PTPRD: variants seen among roughly 807,000 people sequenced by gnomAD.
The protein encoded by PTPRD is protein tyrosine phosphatase receptor type D.
Under a neutral mutation model 214.5 loss-of-function variants are expected in PTPRD, and 34 were observed. That is an observed-to-expected ratio of 0.16 (90% CI 0.12 to 0.21). PTPRD has a LOEUF of 0.21. Ranked by LOEUF, PTPRD falls within the 10% of genes least tolerant of loss-of-function variation. The probability of loss-of-function intolerance (pLI) is 1.00; values close to 1 mark genes in which losing one functional copy is unlikely to be tolerated. For missense variants in PTPRD, 2,545 were observed against 2,398.7 expected, an observed-to-expected ratio of 1.06 and a Z score of -1.27; for synonymous variants, 1,128 against 845.7, an observed-to-expected ratio of 1.33 and a Z score of -5.79.
At chr9:9,195,086 G>GTATATATATATATATATA (rs540804635) in intron 9 of PTPRD, among the ~76,000 whole-genome samples, 1,485 of 130,816 alleles carry the variant, frequency 0.011, 18 homozygotes, top group East Asian at 0.022. Context: ...GTGTGTTTGT[G>GTATATATATATATATATA]TATATATATA....
intron 9 of PTPRD, among the ~76,000 whole-genome samples, chr9:9,215,626 G>A (rs953479758): frequency 6.6e-6 from 1 of 152,098 alleles, no homozygotes; most frequent in Non-Finnish European, 1.5e-5. Flanking sequence ...ACAGTGAGGT[G>A]GAGTTGGGAC....
At chr9:9,073,278 C>T (rs1172977302) in intron 10 of PTPRD, among the ~76,000 whole-genome samples, 1 of 152,138 alleles carries the variant, frequency 6.6e-6, no homozygotes, top group Non-Finnish European at 1.5e-5. Flanking sequence ...GAGTCATAAG[C>T]TTGTGGACTC....
chr9:9,935,026 AC>A (rs533457921), intron 5 of PTPRD, among the ~76,000 whole-genome samples: 84 of 152,246 alleles, frequency 5.5e-4, no homozygotes, highest in African/African-American at 2.0e-3. Context: ...AAATTCAACA[AC>A]CATTCATGCT....
intron 10 of PTPRD, among the ~76,000 whole-genome samples, chr9:9,076,616 G>A (rs529164051): frequency 6.6e-6 from 1 of 152,078 alleles, no homozygotes; most frequent in South Asian, 2.1e-4. Flanking sequence ...CTCTGTTGTT[G>A]CAAATGACAG....
intron 2 of PTPRD, among the ~76,000 whole-genome samples, chr9:10,379,248 T>TTTTG (rs1555249356): frequency 6.6e-6 from 1 of 150,948 alleles, no homozygotes; most frequent in Non-Finnish European, 1.5e-5. Context: ...ATAGTTTTTT[T>TTTTG]TGTGTGTGTG....
At chr9:8,507,609 A>G (rs1261338429) in intron 21 of PTPRD, among the ~76,000 whole-genome samples, 175 bp from the exon 22 acceptor site, 6 of 152,234 alleles carry the variant, frequency 3.9e-5, no homozygotes, top group East Asian at 3.8e-4. Flanking sequence ...GGCAAGTACA[A>G]TGTTATAAAT....
chr9:10,247,966 C>T (rs1359034468), intron 3 of PTPRD, among the ~76,000 whole-genome samples: 1 of 152,026 alleles, frequency 6.6e-6, no homozygotes, highest in Non-Finnish European at 1.5e-5. Flanking sequence ...TTTTCCCATG[C>T]TGTTCTCATG....
intron 9 of PTPRD, among the ~76,000 whole-genome samples, chr9:9,191,502 A>C (rs569520996): frequency 2.0e-5 from 3 of 152,260 alleles, no homozygotes; most frequent in African/African-American, 7.2e-5. Flanking sequence ...AGTCTGATTT[A>C]AGTTGCTATA....
At chr9:9,802,306 C>T (rs995752980) in intron 5 of PTPRD, among the ~76,000 whole-genome samples, 1 of 151,848 alleles carries the variant, frequency 6.6e-6, no homozygotes, top group Non-Finnish European at 1.5e-5. Flanking sequence ...CCAAATATGT[C>T]CATATTTTGT....
chr9:9,914,606 C>T (rs149535640), intron 5 of PTPRD, among the ~76,000 whole-genome samples: 4 of 152,138 alleles, frequency 2.6e-5, no homozygotes, highest in South Asian at 4.1e-4. Context: ...GTTCCGAGTA[C>T]GTGTTTACCG....
intron 12 of PTPRD, among the ~76,000 whole-genome samples, chr9:8,712,032 C>T (rs1035037649): frequency 2.0e-5 from 3 of 152,324 alleles, no homozygotes; most frequent in Non-Finnish European, 4.4e-5. Context: ...GAATACATAA[C>T]TATGCATCTG....
chr9:9,827,438 A>G (rs1234864536), intron 5 of PTPRD, among the ~76,000 whole-genome samples: 1 of 152,214 alleles, frequency 6.6e-6, no homozygotes, highest in Non-Finnish European at 1.5e-5. Flanking sequence ...TGGTGCTGGG[A>G]AAACTGGCTA....
chr9:9,733,390 T>A (rs2098234407), intron 7 of PTPRD, among the ~76,000 whole-genome samples: 1 of 152,290 alleles, frequency 6.6e-6, no homozygotes, highest in South Asian at 2.1e-4. Flanking sequence ...TTTCTGTTTG[T>A]GTGCAATAAT....
At chr9:9,011,608 T>C (rs2154362612) in intron 11 of PTPRD, among the ~76,000 whole-genome samples, 1 of 152,276 alleles carries the variant, frequency 6.6e-6, no homozygotes, top group South Asian at 2.1e-4. Context: ...TCCCTGAAGA[T>C]TCTGCCTCTT....
At chr9:10,605,040 G>A (rs996275559) in intron 2 of PTPRD, among the ~76,000 whole-genome samples, 5 of 151,728 alleles carry the variant, frequency 3.3e-5, no homozygotes, top group African/African-American at 4.8e-5. Flanking sequence ...AAATCAAGAC[G>A]TGAACTTAGG....
chr9:8,760,397 A>T (rs1171282899), intron 11 of PTPRD, among the ~76,000 whole-genome samples: 1 of 152,090 alleles, frequency 6.6e-6, no homozygotes, highest in Non-Finnish European at 1.5e-5. Flanking sequence ...TTTGCTGCTA[A>T]TCTCTATTTT....
chr9:8,486,551 G>C, intron 27 of PTPRD: 1 of 699,120 alleles, frequency 1.4e-6, no homozygotes, highest in Non-Finnish European at 2.6e-6. Flanking sequence ...TGAGATACTA[G>C]AATTTGATAA....
intron 3 of PTPRD, among the ~76,000 whole-genome samples, chr9:10,106,521 G>A (rs368396771): frequency 1.7e-4 from 25 of 150,830 alleles, no homozygotes; most frequent in Admixed American, 6.7e-4. Context: ...TGAAAGTGAC[G>A]GACACACAGA....
chr9:9,866,186 G>A (rs1451855927), intron 5 of PTPRD, among the ~76,000 whole-genome samples: 1 of 152,104 alleles, frequency 6.6e-6, no homozygotes, highest in African/African-American at 2.4e-5. Flanking sequence ...TCCCTAGACT[G>A]TTTTTAATGT....
Sources: gnomAD v4.1 joint callset for allele counts (sites outside exome capture counted in the v4.1 genomes callset) on GRCh38, gnomAD v4.1.1 for gene constraint, MANE v1.5 for transcripts, NCBI Gene and HGNC (gene_info 2026-07-23, HGNC 2026-07-21) for gene names.